NEXN: variants seen among roughly 807,000 people sequenced by gnomAD.
The protein encoded by NEXN is nexilin F-actin binding protein.
Under a neutral mutation model 92.6 loss-of-function variants are expected in NEXN, and 65 were observed. That is an observed-to-expected ratio of 0.70 (90% confidence interval 0.57 to 0.86). The LOEUF (loss-of-function observed/expected upper bound fraction) is 0.86. Ranked by LOEUF, NEXN falls within the 40% of genes least tolerant of loss-of-function variation. The pLI is 0.00. For synonymous variants in NEXN, 254 were observed against 242.5 expected (o/e 1.05, Z -0.44); for missense variants, 778 against 771.1 (o/e 1.01, Z -0.11).
In NEXN at chr1:77,942,607, G is replaced by A. The variant is rs373102543; in HGVS notation, c.1806G>A (p.Thr602=). Reference sequence around the variant, plus strand: ...TAGACAGTGAGCCAGTCAGATTTACGGTTAAAGTAACAGGAGAACCCAAAC... The same window carrying A: ...TAGACAGTGAGCCAGTCAGATTTACAGTTAAAGTAACAGGAGAACCCAAAC... The part of the protein sequence containing the change: ...SVVDSEPVRF[T]VKVTGEPKPE... The change falls in exon 13 of 13, where the codon ACG becomes ACA. Residue 602 remains threonine (T), a synonymous_variant. Transcript: ENST00000334785. 47 of 1,613,574 alleles carry A rather than the reference G, an allele frequency of 2.9e-5. No homozygotes were observed. In the African/African-American group the frequency reaches 4.0e-4, roughly 14 times the overall value.
At chr1:77,919,941 C>T (rs1343127551) in intron 5 of NEXN, among the ~76,000 whole-genome samples, 5 of 151,582 alleles carry the variant, frequency 3.3e-5, no homozygotes, top group Non-Finnish European at 7.4e-5. Context: ...GCTCTGTCAC[C>T]CAGGCTGGAG....
intron 8 of NEXN, 117 bp from the exon 9 acceptor site, chr1:77,929,199 T>C: frequency 1.4e-6 from 1 of 697,268 alleles, no homozygotes; most frequent in Non-Finnish European, 2.6e-6. Flanking sequence ...AGGTCAAGTA[T>C]ATTAAGGGCA....
intron 1 of NEXN, among the ~76,000 whole-genome samples, chr1:77,914,142 A>G (rs1648785447): frequency 6.6e-6 from 1 of 152,214 alleles, no homozygotes; most frequent in Non-Finnish European, 1.5e-5. Context: ...GCTCTGTGCA[A>G]TACTGTAATG....
At chr1:77,933,251 G>T (rs1247683010) in intron 9 of NEXN, 31 bp from the exon 10 acceptor site, 3 of 1,321,010 alleles carry the variant, frequency 2.3e-6, no homozygotes, top group East Asian at 2.4e-5. Context: ...TGTAATTCTG[G>T]CCAGAGTGAT....
At chr1:77,899,629 G>T (rs1361158442) in intron 1 of NEXN, among the ~76,000 whole-genome samples, 1 of 151,458 alleles carries the variant, frequency 6.6e-6, no homozygotes, top group East Asian at 1.9e-4. Flanking sequence ...TGCACATTGT[G>T]CACATTAAAA....
chr1:77,919,297 G>A (rs796968882), intron 5 of NEXN, among the ~76,000 whole-genome samples: 8 of 152,292 alleles, frequency 5.3e-5, no homozygotes, highest in African/African-American at 1.9e-4. Flanking sequence ...TGAGATTTGG[G>A]TGGGGACACA....
At chr1:77,926,292 A>C (rs1157513269) in intron 6 of NEXN, 122 bp from the exon 7 acceptor site, 1 of 650,660 alleles carries the variant, frequency 1.5e-6, no homozygotes, top group African/African-American at 1.8e-5. Context: ...ATCTGTAAAA[A>C]AATGTTCTTC....
intron 10 of NEXN, 50 bp downstream of exon 10, chr1:77,933,529 T>C: frequency 7.9e-7 from 1 of 1,264,200 alleles, no homozygotes; most frequent in Non-Finnish European, 1.1e-6. Context: ...AAGCTAAATA[T>C]TTTACTTATA....
chr1:77,902,312 T>TA (rs1338571357), intron 1 of NEXN, among the ~76,000 whole-genome samples: 2 of 152,176 alleles, frequency 1.3e-5, no homozygotes, highest in African/African-American at 4.8e-5. Context: ...ACTGCAGTTT[T>TA]AAAAAAATCC....
At chr1:77,890,876 T>A (rs1489146834) in intron 1 of NEXN, among the ~76,000 whole-genome samples, 1 of 152,282 alleles carries the variant, frequency 6.6e-6, no homozygotes, top group South Asian at 2.1e-4. Flanking sequence ...GAGAGGACTG[T>A]TATTTTATAG....
At chr1:77,925,457 G>A (rs1649771874) in intron 6 of NEXN, among the ~76,000 whole-genome samples, 1 of 152,172 alleles carries the variant, frequency 6.6e-6, no homozygotes. Flanking sequence ...AGGTTAGAAA[G>A]ACAAGCCTTA....
chr1:77,930,945 C>T (rs1291784192), intron 9 of NEXN, among the ~76,000 whole-genome samples: 3 of 152,156 alleles, frequency 2.0e-5, no homozygotes, highest in Non-Finnish European at 4.4e-5. Flanking sequence ...CAATGCTTAG[C>T]GTAGCAGACC....
chr1:77,921,892 C>G (rs1326071063), intron 5 of NEXN, among the ~76,000 whole-genome samples: 1 of 152,030 alleles, frequency 6.6e-6, no homozygotes, highest in Non-Finnish European at 1.5e-5. Flanking sequence ...CAAGCCTGGG[C>G]AACACAGCAA....
At chr1:77,920,973 C>T (rs1649376427) in intron 5 of NEXN, among the ~76,000 whole-genome samples, 1 of 152,202 alleles carries the variant, frequency 6.6e-6, no homozygotes, top group Non-Finnish European at 1.5e-5. Context: ...TGTGAATATA[C>T]TGACACCATG....
intron 11 of NEXN, chr1:77,941,623 A>T: frequency 4.9e-6 from 1 of 205,536 alleles, no homozygotes; most frequent in Non-Finnish European, 1.0e-5. Context: ...GAAAATCATT[A>T]AGTGAGAAAA....
rs572469895 is a variant in NEXN, at chr1:77,902,147, A to G, written c.-53+13388A>G. Among the ~76,000 whole-genome samples, 3 of 152,288 alleles carry G rather than the reference A, an allele frequency of 2.0e-5. No homozygotes were observed. In the East Asian group the frequency reaches 5.8e-4, roughly 29 times the overall value. The stretch of plus-strand genomic sequence containing the variant: ...AAAAAACATCAATGTTCACTAATTT[A>G]TCTTTTTCTGTTTATTCTTAGTTCT... On this transcript the variant is annotated intron_variant, in intron 1 of 12. Transcript: ENST00000334785.
chr1:77,941,703 A>G (rs1325138098), intron 11 of NEXN: 1 of 351,636 alleles, frequency 2.8e-6, no homozygotes, highest in Non-Finnish European at 5.4e-6. Flanking sequence ...AATTATTTAG[A>G]ATGTATAGCA....
Position 77,942,792 on chromosome 1 carries a change from C to G in NEXN, c.1991C>G (p.Ala664Gly), listed in dbSNP as rs1169767851. 6.2e-7 allele frequency: 1 copy of G among 1,611,408 alleles called. No homozygotes were observed. The highest frequency in any genetic ancestry group is 1.7e-5 in the Admixed American group (1 of 59,876). ...GCAGTCAACAATAAAGGATCTGCAG[C>G]TAGTACCTGTATTCTTACCATTGAA... The part of the protein sequence containing the change: ...CKAVNNKGSA[A>G]STCILTIESK... The change falls in exon 13 of 13, where the codon GCT becomes GGT. Residue 664 changes from alanine to glycine, a missense_variant. Ala to Gly is a moderately conservative substitution (Grantham distance 60, BLOSUM62 0). Coordinates refer to ENST00000334785, the MANE Select transcript of NEXN (RefSeq NM_144573.4).
chr1:77,906,726 C>T (rs1165784184), intron 1 of NEXN, among the ~76,000 whole-genome samples: 1 of 152,066 alleles, frequency 6.6e-6, no homozygotes, highest in Non-Finnish European at 1.5e-5. Flanking sequence ...TCAATCATAG[C>T]TCACTGCAGC....
Sources: gnomAD v4.1 joint callset for allele counts (sites outside exome capture counted in the v4.1 genomes callset) on GRCh38, gnomAD v4.1.1 for gene constraint, MANE v1.5 for transcripts, NCBI Gene and HGNC (gene_info 2026-07-23, HGNC 2026-07-21) for gene names.